The following CHST5 variants were observed in gnomAD, a reference collection of about 807,000 sequenced individuals.
CHST5 encodes the protein GST4-alpha.
For synonymous variants in CHST5, 313 were observed against 279.2 expected, an observed-to-expected ratio of 1.12 and a Z score of -1.21; for missense variants, 637 against 602.1, an observed-to-expected ratio of 1.06 and a Z score of -0.61.
rs1374406540 is a variant in CHST5 at position 75,535,132 on chromosome 16, AG to A, written c.-1358del. 1 of 152,318 alleles carries A rather than the reference AG, an allele frequency of 6.6e-6. No individual in the cohort carries two copies. The highest frequency in any genetic ancestry group is 1.5e-5 in the Non-Finnish European group (1 of 68,150). The allele number at this position is 152,318 out of a possible 1,614,324, so 9.4% of individuals were successfully genotyped here. On this transcript the variant is annotated 5_prime_UTR_variant, in exon 2 of 4. Coordinates refer to ENST00000336257, the MANE Select transcript of CHST5 (RefSeq NM_024533.5). ...AGAATGAAGAACCAAAGTACCTCAA[AG>A]CTTGGCGTGTCTGCCAGAGCTGGAG...
chr16:75,530,187 C>G lies in CHST5; in HGVS notation c.198G>C (p.Leu66=), dbSNP rs1228704795. ...AGCCCGAGCGCCACGAGGACAGCACCAGCACGTGCACACGATCCTCGCCGC... is the reference window on the plus strand; with the variant it reads ...AGCCCGAGCGCCACGAGGACAGCACGAGCACGTGCACACGATCCTCGCCGC... ...PAGGEDRVHV[L]VLSSWRSGSS... is the part of the protein sequence containing the mutation. Residue 66 remains leucine (L), a synonymous_variant, in exon 4 of 4, where the codon CTG becomes CTC. Coordinates refer to ENST00000336257, the MANE Select transcript of CHST5 (RefSeq NM_024533.5). 1.2e-6 allele frequency: 2 copies of G among 1,613,680 alleles called. No individual in the cohort carries two copies. Among genetic ancestry groups the G allele is most frequent in the Middle Eastern group, 3.3e-4 (2 of 6,062 alleles).
rs767492036 is a variant in CHST5 at position 75,528,999 on chromosome 16, G to A, written c.*150C>T. ...CGAGAATCAGGAGAGAAAGAAACGT[G>A]CAGTCCTTGCCTACTTCAGGGGAGG... is the stretch of plus-strand genomic sequence containing the variant. On this transcript the variant is annotated 3_prime_UTR_variant, in exon 4 of 4. Coordinates refer to ENST00000336257, the MANE Select transcript of CHST5 (RefSeq NM_024533.5). 6.8e-5 allele frequency: 51 copies of A among 751,544 alleles called. No homozygotes were observed. The highest frequency in any genetic ancestry group is 9.5e-5 in the Non-Finnish European group (46 of 485,426). The allele number at this position is 751,544 out of a possible 1,614,324, so 46.6% of individuals were successfully genotyped here.
In CHST5 at chr16:75,533,148, G is replaced by C. The variant is rs2080537241; in HGVS notation, c.-1316C>G. 2.8e-6 allele frequency: 2 copies of C among 702,276 alleles called. No homozygotes were observed. Among genetic ancestry groups the C allele is most frequent in the African/African-American group, 1.7e-5 (1 of 57,264 alleles). The allele number at this position is 702,276 out of a possible 1,614,324, so 43.5% of individuals were successfully genotyped here. On this transcript the variant is annotated 5_prime_UTR_variant, in exon 3 of 4. Transcript: ENST00000336257. ...TGGTTGAATCACTCTATGCCACACAGAGTCTCCAGAAGACCAGTTCCTCAC... is the reference window on the plus strand; with the variant it reads ...TGGTTGAATCACTCTATGCCACACACAGTCTCCAGAAGACCAGTTCCTCAC...
In CHST5 at chr16:75,531,491, G is replaced by T. The variant is rs755689327; in HGVS notation, c.-1107C>A. On this transcript the variant is annotated 5_prime_UTR_variant, in exon 4 of 4. Transcript: ENST00000336257. The stretch of plus-strand genomic sequence containing the variant: ...CTGGAGCCCTGTGGGTTTGCAAGAA[G>T]ATCAGTTGATGGGGAGCTGGGATGG... The T allele has an allele frequency of 1.5e-5, 19 of 1,291,226 alleles. No homozygotes were observed. Among genetic ancestry groups the T allele is most frequent in the Non-Finnish European group, 1.9e-5 (19 of 981,104 alleles). 80.0% of individuals were successfully genotyped at this position (1,291,226 alleles called of 1,614,324 possible).
Position 75,530,841 on chromosome 16 carries a change from T to A in CHST5, c.-457A>T. On this transcript the variant is annotated 5_prime_UTR_variant, in exon 4 of 4. Coordinates refer to ENST00000336257, the MANE Select transcript of CHST5 (RefSeq NM_024533.5). ...TATGAAGATCACTTAAATCTCTCTG[T>A]GACGGATCACTTTACCCGTGTGTGA... The A allele has an allele frequency of 1.0e-6, 1 of 998,940 alleles. No individual in the cohort carries two copies. Among genetic ancestry groups the A allele is most frequent in the South Asian group, 4.5e-5 (1 of 22,272 alleles). The allele number at this position is 998,940 out of a possible 1,614,324, so 61.9% of individuals were successfully genotyped here. A position where few individuals can be genotyped will look rare whatever the true frequency, so the allele number is the denominator to read the frequency against.
At position 75,529,062 on chromosome 16, in the gene CHST5, C is replaced by G; in HGVS notation, c.*87G>C. ...CGGTTGATAGTAGGGACCTGCTTCC[C>G]CATGCGCCCCAGCTCCCTCTCCACC... On this transcript the variant is annotated 3_prime_UTR_variant, in exon 4 of 4. Transcript: ENST00000336257. The G allele has an allele frequency of 7.0e-7, 1 of 1,420,610 alleles. No homozygotes were observed. Among genetic ancestry groups the G allele is most frequent in the South Asian group, 1.5e-5 (1 of 68,270 alleles). 88.0% of individuals were successfully genotyped at this position (1,420,610 alleles called of 1,614,324 possible). A position where few individuals can be genotyped will look rare whatever the true frequency, so the allele number is the denominator to read the frequency against.
At chr16:75,532,803 G>A (rs542440470) in intron 3 of CHST5, among the ~76,000 whole-genome samples, 9 of 152,224 alleles carry the variant, frequency 5.9e-5, no homozygotes, top group Admixed American at 1.3e-4. Flanking sequence ...TAGGTGCTTC[G>A]AGTCCACTGG....
At chr16:75,534,871 AACCCGC>A (rs1429104860) in intron 2 of CHST5, among the ~76,000 whole-genome samples, 2 of 152,176 alleles carry the variant, frequency 1.3e-5, no homozygotes, top group African/African-American at 4.8e-5. Context: ...ATGGAATAAG[AACCCGC>A]ACCCCGACCC....
chr16:75,530,302 G>C lies in CHST5; in HGVS notation c.83C>G (p.Ser28Cys). 2 of 1,610,470 alleles carry C rather than the reference G, an allele frequency of 1.2e-6. No homozygotes were observed. Among genetic ancestry groups the C allele is most frequent in the Non-Finnish European group, 1.7e-6 (2 of 1,178,774 alleles). ...GAGGAGCACTGTCACTGTCTTGCTG[G>C]AGAACCGTGGCAGCCACATGCGGGC... ...PAARMWLPRF[S>C]SKTVTVLLLA... is the part of the protein sequence containing the mutation. The change falls in exon 4 of 4, where the codon TCC becomes TGC. Residue 28 changes from serine to cysteine, a missense_variant. Ser to Cys is a moderately radical substitution (Grantham distance 112). Coordinates refer to ENST00000336257, the MANE Select transcript of CHST5 (RefSeq NM_024533.5).
At chr16:75,534,814 G>T (rs963063400) in intron 2 of CHST5, among the ~76,000 whole-genome samples, 1 of 152,144 alleles carries the variant, frequency 6.6e-6, no homozygotes, top group Non-Finnish European at 1.5e-5. Context: ...TTTTTCTCAA[G>T]AATTTCATGG....
chr16:75,531,947 G>A (rs4149504), intron 3 of CHST5, among the ~76,000 whole-genome samples: 1 of 152,064 alleles, frequency 6.6e-6, no homozygotes, highest in Non-Finnish European at 1.5e-5. Flanking sequence ...ACTGCCAATG[G>A]GGAGCTATGA....
chr16:75,534,465 G>A (rs1476826465), intron 2 of CHST5, among the ~76,000 whole-genome samples: 4 of 152,190 alleles, frequency 2.6e-5, no homozygotes, highest in African/African-American at 9.7e-5. Flanking sequence ...CCAACATGGT[G>A]AAACACCGTC....
rs1378863653 is a variant in CHST5 at position 75,528,805 on chromosome 16, CT to C, written c.*343del. On this transcript the variant is annotated 3_prime_UTR_variant, in exon 4 of 4. Coordinates refer to ENST00000336257, the MANE Select transcript of CHST5 (RefSeq NM_024533.5). ...TCAGGTGATCCACCCGCCTCAGCCT[CT>C]CAAAATGCTGGGATTACAGGCATGA... 1 of 193,296 alleles carries C rather than the reference CT, an allele frequency of 5.2e-6. No individual in the cohort carries two copies. Among genetic ancestry groups the C allele is most frequent in the African/African-American group, 2.3e-5 (1 of 42,620 alleles). 12.0% of individuals were successfully genotyped at this position (193,296 alleles called of 1,614,324 possible).
At position 75,529,390 on chromosome 16, in the gene CHST5, G is replaced by C. The variant is rs1343146958; in HGVS notation, c.995C>G (p.Ser332Trp). The change falls in exon 4 of 4, where the codon TCG (serine) becomes TGG (tryptophan). Residue 332 changes from serine (S) to tryptophan (W), a missense_variant. Physicochemically the swap from Ser to Trp is radical, Grantham distance 177 (BLOSUM62 -3). Transcript: ENST00000336257. ...EAWIHNITHG[S>W]GIGKPIEAFH... ...GGCCTCGATTGGCTTGCCGATCCCC[G>C]ACCCGTGGGTGATGTTGTGGATCCA... 1 of 1,613,020 alleles carries C rather than the reference G, an allele frequency of 6.2e-7. No individual in the cohort carries two copies. The highest frequency in any genetic ancestry group is 1.7e-5 in the Admixed American group (1 of 60,026).
At chr16:75,532,856 T>A (rs1185526034) in intron 3 of CHST5, among the ~76,000 whole-genome samples, 1 of 152,074 alleles carries the variant, frequency 6.6e-6, no homozygotes, top group Non-Finnish European at 1.5e-5. Flanking sequence ...ATGATGTCAA[T>A]TTTTCAGGTG....
intron 3 of CHST5, 41 bp from the exon 4 acceptor site, chr16:75,531,681 G>A (rs1253458445): frequency 7.8e-7 from 1 of 1,287,594 alleles, no homozygotes; most frequent in Non-Finnish European, 1.0e-6. Flanking sequence ...GCCCTACAGA[G>A]AGACAGCCCT....
chr16:75,531,103 A>G lies in CHST5; in HGVS notation c.-719T>C, dbSNP rs551055789. 4 of 943,006 alleles carry G rather than the reference A, an allele frequency of 4.2e-6. No homozygotes were observed. The East Asian group carries it at 3.5e-4, about 83-fold the overall frequency. 58.4% of individuals were successfully genotyped at this position (943,006 alleles called of 1,614,324 possible). On this transcript the variant is annotated 5_prime_UTR_variant, in exon 4 of 4. An upstream open reading frame in the 5' UTR loses its in-frame stop. Coordinates refer to ENST00000336257, the MANE Select transcript of CHST5 (RefSeq NM_024533.5). ...TATGGGAGGCCGAGGCGGGCGGATC[A>G]CGAGGTCAGGAGATCGAGACCATCC...
intron 3 of CHST5, among the ~76,000 whole-genome samples, chr16:75,532,400 G>A (rs1199262435): frequency 1.3e-5 from 2 of 152,182 alleles, no homozygotes; most frequent in Non-Finnish European, 2.9e-5. Context: ...TCAAGGCTGG[G>A]TGACTTTGGA....
rs764472163 is a variant in CHST5 at position 75,530,029 on chromosome 16, C to T, written c.356G>A (p.Arg119His). Residue 119 changes from arginine to histidine, a missense_variant, in exon 4 of 4, where the codon CGC becomes CAC. Coordinates refer to ENST00000336257, the MANE Select transcript of CHST5 (RefSeq NM_024533.5). ...TLHMAVRDLM[R>H]SIFLCDMDVF... ...GTCCATGTCGCACAAAAAGATAGAG[C>T]GCATCAGGTCGCGCACGGCCATGTG... The T allele has an allele frequency of 1.2e-5, 20 of 1,613,312 alleles. No individual in the cohort carries two copies. Among genetic ancestry groups the T allele is most frequent in the East Asian group, 4.5e-5 (2 of 44,884 alleles).
Sources: allele counts gnomAD v4.1 joint callset (sites outside exome capture counted in the v4.1 genomes callset), GRCh38; gene constraint gnomAD v4.1.1; transcripts MANE v1.5; gene names NCBI Gene and HGNC (gene_info 2026-07-23, HGNC 2026-07-21).